Variants in PRRC2A observed in about 807,000 individuals in gnomAD.
PRRC2A encodes the protein protein PRRC2A.
Under a neutral mutation model 224.6 loss-of-function variants are expected in PRRC2A, and 59 were observed. That is an observed-to-expected ratio of 0.26 (90% CI 0.21 to 0.33). The LOEUF (loss-of-function observed/expected upper bound fraction) is 0.33, where lower values mean the gene tolerates loss of function less well. Among genes scored for constraint, PRRC2A ranks in the 10% least tolerant of loss-of-function variants. The probability of loss-of-function intolerance (pLI) is 1.00; values close to 1 mark genes in which losing one functional copy is unlikely to be tolerated. For missense variants in PRRC2A, 3,095 were observed against 2,880.7 expected, an observed-to-expected ratio of 1.07 and a Z score of -1.70; for synonymous variants, 1,194 against 1,109.5, an observed-to-expected ratio of 1.08 and a Z score of -1.51.
Position 31,625,279 on chromosome 6 carries a change from AGTC to A in PRRC2A, c.576_578del (p.Ser193del). The A allele has an allele frequency of 6.2e-7, 1 of 1,613,426 alleles. No individual in the cohort carries two copies. The highest frequency in any genetic ancestry group is 8.5e-7 in the Non-Finnish European group (1 of 1,180,032). ...GCCAAGGAAAGGGAGTCTGCCGAAC[AGTC>A]GTCTGGGCCCGGACCAAGCCTCCGC... is the stretch of plus-strand genomic sequence containing the variant. On this transcript the variant is annotated inframe_deletion, in exon 6 of 31. Transcript: ENST00000376033. The surrounding 1 kb of genome is among the most constrained non-coding windows in gnomAD (Gnocchi z 4.1).
chr6:31,631,627 A>G lies in PRRC2A; in HGVS notation c.2954A>G (p.Lys985Arg), dbSNP rs2150519662. ...TPKPPKPDPLKITKGKLGGPK... is the reference protein window; with the variant it reads ...TPKPPKPDPLRITKGKLGGPK... The stretch of plus-strand genomic sequence containing the variant: ...AAACCCCCAAAGCCAGACCCACTCA[A>G]GATAACCAAGGGGAAGCTAGGGGGC... The change falls in exon 16 of 31, where the codon AAG becomes AGG. Residue 985 changes from lysine (K) to arginine (R), a missense_variant. Physicochemically the swap from Lys to Arg is conservative, Grantham distance 26. Around this residue, in one of 8 missense-constraint regions of PRRC2A, gnomAD observed 2,001 missense variants for 1,764.9 expected, o/e 1.13. Transcript: ENST00000376033. This position sits in a 1 kb window ranked among gnomAD's most constrained non-coding sequence, Gnocchi z 4.5. 2.6e-6 allele frequency: 4 copies of G among 1,523,020 alleles called. No individual in the cohort carries two copies. The highest frequency in any genetic ancestry group is 2.6e-5 in the South Asian group (2 of 76,148). The allele number at this position is 1,523,020 out of a possible 1,614,324, so 94.3% of individuals were successfully genotyped here.
rs1234076912 is a variant in PRRC2A, at chr6:31,627,149, C to A, written c.1241C>A (p.Pro414Gln). Residue 414 changes from proline (P) to glutamine (Q), a missense_variant, in exon 11 of 31, where the codon CCA (proline) becomes CAA (glutamine). This residue lies in a region of PRRC2A where 2,001 missense variants were observed against 1,764.9 expected (regional missense o/e 1.13). Coordinates refer to ENST00000376033, the MANE Select transcript of PRRC2A (RefSeq NM_004638.4). The surrounding 1 kb of genome is among the most constrained non-coding windows in gnomAD (Gnocchi z 5.6). ...GPPAPKPPLP[P>Q]PHRGPAGNWG... ...CCTGCCCCAAAGCCTCCCCTACCCCCACCTCACCGGGGCCCCGCCGGGAAC... is the reference window on the plus strand; with the variant it reads ...CCTGCCCCAAAGCCTCCCCTACCCCAACCTCACCGGGGCCCCGCCGGGAAC... The A allele has an allele frequency of 1.2e-6, 2 of 1,613,532 alleles. No homozygotes were observed. The highest frequency in any genetic ancestry group is 1.7e-5 in the Admixed American group (1 of 60,024).
Position 31,622,795 on chromosome 6 carries a change from C to T in PRRC2A, c.6C>T (p.Ser2=). 1.2e-6 allele frequency: 2 copies of T among 1,612,508 alleles called. No individual in the cohort carries two copies. The highest frequency in any genetic ancestry group is 1.7e-6 in the Non-Finnish European group (2 of 1,179,566). ...CTCAATGAGCTTCCAGCGCAATGTC[C>T]GATCGCTCGGGGCCGACTGCCAAGG... M[S]DRSGPTAKGK... Residue 2 remains serine (S), a synonymous_variant, in exon 2 of 31, where the codon TCC becomes TCT. Coordinates refer to ENST00000376033, the MANE Select transcript of PRRC2A (RefSeq NM_004638.4).
rs1374900918 is a variant in PRRC2A at position 31,631,063 on chromosome 6, A to G, written c.2466-76A>G. 3 of 1,369,320 alleles carry G rather than the reference A, an allele frequency of 2.2e-6. No homozygotes were observed. The highest frequency in any genetic ancestry group is 2.8e-5 in the South Asian group (2 of 71,126). The allele number at this position is 1,369,320 out of a possible 1,614,324, so 84.8% of individuals were successfully genotyped here. On this transcript the variant is annotated intron_variant, in intron 15 of 30. Coordinates refer to ENST00000376033, the MANE Select transcript of PRRC2A (RefSeq NM_004638.4). The surrounding 1 kb of genome is among the most constrained non-coding windows in gnomAD (Gnocchi z 4.5). ...AATAGTAAAAGAGAGTCTGCATCAT[A>G]ATAAAGTGTTCTTTTCCCACCTAGT... is the stretch of plus-strand genomic sequence containing the variant.
Position 31,631,706 on chromosome 6 carries a change from G to A in PRRC2A, c.3033G>A (p.Arg1011=). Residue 1011 remains arginine, a synonymous_variant, in exon 16 of 31, where the codon AGG becomes AGA. Coordinates refer to ENST00000376033, the MANE Select transcript of PRRC2A (RefSeq NM_004638.4). The surrounding 1 kb of genome is among the most constrained non-coding windows in gnomAD (Gnocchi z 4.5). ...GNLSPAPRLR[R]DYSYERVGPT... is the part of the protein sequence containing the mutation. ...TTTCCCCTGCCCCAAGGCTTCGGAG[G>A]GACTATTCGTATGAAAGAGTGGGTC... The A allele has an allele frequency of 1.3e-6, 2 of 1,517,448 alleles. No homozygotes were observed. Among genetic ancestry groups the A allele is most frequent in the Non-Finnish European group, 1.8e-6 (2 of 1,134,118 alleles). The allele number at this position is 1,517,448 out of a possible 1,614,324, so 94.0% of individuals were successfully genotyped here.
rs768172753 is a variant in PRRC2A at position 31,636,920 on chromosome 6, T to C, written c.6122T>C (p.Phe2041Ser). ...TRVLPSPARPFPASLGRAELH... is the reference protein window; with the variant it reads ...TRVLPSPARPSPASLGRAELH... ...GTGCTGCCTTCACCTGCCAGGCCCT[T>C]CCCCGCTAGCTTGGGGCGAGCAGAG... Residue 2041 changes from phenylalanine (F) to serine (S), a missense_variant, in exon 28 of 31, where the codon TTC (phenylalanine) becomes TCC (serine). Around this residue, in one of 8 missense-constraint regions of PRRC2A, gnomAD observed 662 missense variants for 609.5 expected, o/e 1.09. Transcript: ENST00000376033. The surrounding 1 kb of genome is among the most constrained non-coding windows in gnomAD (Gnocchi z 4.3). 23 of 1,612,902 alleles carry C rather than the reference T, an allele frequency of 1.4e-5. No individual in the cohort carries two copies. Among genetic ancestry groups the C allele is most frequent in the Non-Finnish European group, 1.9e-5 (23 of 1,179,970 alleles).
chr6:31,634,631 G>T (rs2844493), intron 20 of PRRC2A, 74 bp downstream of exon 20: 2 of 1,585,762 alleles, frequency 1.3e-6, no homozygotes, highest in East Asian at 2.2e-5. Flanking sequence ...CCTGCTCTGG[G>T]TTGAGTCTGG....
chr6:31,628,385 G>A (rs1326560363), intron 12 of PRRC2A, 146 bp downstream of exon 12: 1 of 1,349,158 alleles, frequency 7.4e-7, no homozygotes. Flanking sequence ...TCTATCATTT[G>A]TATATCTGAA....
At chr6:31,635,035 C>T (rs776205112) in intron 21 of PRRC2A, 58 bp downstream of exon 21, 147 of 1,597,518 alleles carry the variant, frequency 9.2e-5, no homozygotes, top group Non-Finnish European at 1.2e-4. Flanking sequence ...TTGGCCCTAC[C>T]TTTTTCTGCT....
At position 31,634,063 on chromosome 6, in the gene PRRC2A, G is replaced by GT. The variant is rs1777025351; in HGVS notation, c.4719+78dup. On this transcript the variant is annotated intron_variant, in intron 18 of 30. Coordinates refer to ENST00000376033, the MANE Select transcript of PRRC2A (RefSeq NM_004638.4). Reference sequence around the variant, plus strand: ...AATTCTTCTGGGTTATGTTTTCTCTGTTTTCTTTCCTGTTTCTTTCACTGT... The same window carrying GT: ...AATTCTTCTGGGTTATGTTTTCTCTGTTTTTCTTTCCTGTTTCTTTCACTGT... 1.8e-5 allele frequency: 28 copies of GT among 1,581,442 alleles called. No homozygotes were observed. In the South Asian group the frequency reaches 3.2e-4, roughly 18 times the overall value.
chr6:31,635,608 G>A lies in PRRC2A; in HGVS notation c.5400G>A (p.Glu1800=), dbSNP rs761443644. Residue 1800 remains glutamate (E), a synonymous_variant, in exon 24 of 31, where the codon GAG becomes GAA. Transcript: ENST00000376033. ...CCATTCCTGTATCACGAGACTGGGA[G>A]CTGCTTCCCAGTGCTGCTGCCTCTG... The part of the protein sequence containing the change: ...TEAIPVSRDW[E]LLPSAAASAE... 28 of 1,611,598 alleles carry A rather than the reference G, an allele frequency of 1.7e-5. No individual in the cohort carries two copies. In the South Asian group the frequency reaches 3.0e-4, roughly 17 times the overall value.
intron 14 of PRRC2A, 126 bp from the exon 15 acceptor site, chr6:31,630,465 G>A: frequency 2.3e-6 from 2 of 859,734 alleles, no homozygotes; most frequent in South Asian, 1.7e-5. Context: ...ATAAGAGCAG[G>A]CAAGGCCCGG....
In PRRC2A at chr6:31,636,266, G is replaced by T; in HGVS notation, c.5682G>T (p.Gly1894=). 1 of 1,612,810 alleles carries T rather than the reference G, an allele frequency of 6.2e-7. No homozygotes were observed. Among genetic ancestry groups the T allele is most frequent in the Non-Finnish European group, 8.5e-7 (1 of 1,179,940 alleles). Residue 1894 remains glycine, a synonymous_variant, in exon 26 of 31, where the codon GGG becomes GGT. Transcript: ENST00000376033. This position sits in a 1 kb window ranked among gnomAD's most constrained non-coding sequence, Gnocchi z 4.3. ...CCCCTCCCTCAGCACTGCTCTCTGG[G>T]TTAGCTCTCAAGGGCCAGTTTCTGG... ...GPAPPSALLS[G]LALKGQFLDF...
In PRRC2A at chr6:31,623,838, C is replaced by A; in HGVS notation, c.219C>A (p.Asp73Glu). The A allele has an allele frequency of 2.5e-6, 4 of 1,614,192 alleles. No individual in the cohort carries two copies. The highest frequency in any genetic ancestry group is 3.4e-6 in the Non-Finnish European group (4 of 1,180,034). The change falls in exon 3 of 31, where the codon GAC (aspartate) becomes GAA (glutamate). Residue 73 changes from aspartate (D) to glutamate (E), a missense_variant. Asp to Glu is a conservative substitution (Grantham distance 45). Around this residue, in one of 8 missense-constraint regions of PRRC2A, gnomAD observed 52 missense variants for 77.9 expected, o/e 0.67. Transcript: ENST00000376033. ...PSLKAENKGN[D>E]PNVSLVPKDG... is the part of the protein sequence containing the mutation. ...TGAAAGCCGAGAACAAAGGCAATGA[C>A]CCCAATGTCTCACTAGTGCCAAAAG... is the stretch of plus-strand genomic sequence containing the variant.
chr6:31,636,161 T>TA lies in PRRC2A; in HGVS notation c.5625-47dup. ...GAAGCTAGTGGACTTAAGGCATTGC[T>TA]AGGACTCTGGCTTCCTAACAGCTTT... On this transcript the variant is annotated intron_variant, in intron 25 of 30. Coordinates refer to ENST00000376033, the MANE Select transcript of PRRC2A (RefSeq NM_004638.4). The surrounding 1 kb of genome is among the most constrained non-coding windows in gnomAD (Gnocchi z 4.3). The TA allele has an allele frequency of 6.3e-7, 1 of 1,583,190 alleles. No homozygotes were observed. Among genetic ancestry groups the TA allele is most frequent in the Non-Finnish European group, 8.7e-7 (1 of 1,152,122 alleles).
At position 31,625,410 on chromosome 6, in the gene PRRC2A, C is replaced by T. The variant is rs1301932485; in HGVS notation, c.608-50C>T. ...CCTCCCCATCACTTTCAGCTGTGTT[C>T]ACTTGTCCTCCAATCATTGATACCT... On this transcript the variant is annotated intron_variant, in intron 6 of 30. Transcript: ENST00000376033. This position sits in a 1 kb window ranked among gnomAD's most constrained non-coding sequence, Gnocchi z 4.1. 1 of 1,610,014 alleles carries T rather than the reference C, an allele frequency of 6.2e-7. No individual in the cohort carries two copies. Among genetic ancestry groups the T allele is most frequent in the Non-Finnish European group, 8.5e-7 (1 of 1,176,294 alleles).
chr6:31,624,054 C>G, intron 3 of PRRC2A, 145 bp downstream of exon 3: 1 of 1,155,914 alleles, frequency 8.7e-7, no homozygotes, highest in South Asian at 1.6e-5. Context: ...TGTTAAATGA[C>G]TAAGGAATGG....
At position 31,636,892 on chromosome 6, in the gene PRRC2A, C is replaced by T. The variant is rs752976327; in HGVS notation, c.6094C>T (p.Arg2032Trp). ...AVRPPPAPAT[R>W]VLPSPARPFP... ...GCGGCCCCCACCTGCTCCTGCTACT[C>T]GGGTGCTGCCTTCACCTGCCAGGCC... The change falls in exon 28 of 31, where the codon CGG becomes TGG. Residue 2032 changes from arginine to tryptophan, a missense_variant. By Grantham distance (101) the Arg-to-Trp change is moderately radical (BLOSUM62 -3). Coordinates refer to ENST00000376033, the MANE Select transcript of PRRC2A (RefSeq NM_004638.4). This position sits in a 1 kb window ranked among gnomAD's most constrained non-coding sequence, Gnocchi z 4.3. 9.3e-6 allele frequency: 15 copies of T among 1,612,882 alleles called. No homozygotes were observed. The highest frequency in any genetic ancestry group is 1.3e-5 in the Non-Finnish European group (15 of 1,179,986).
rs993775119 is a variant in PRRC2A, at chr6:31,631,267, C to T, written c.2594C>T (p.Pro865Leu). The part of the protein sequence containing the change: ...PLEEPGPRPL[P>L]WPPGSDEVAK... ...GAGGAACCAGGGCCCCGTCCACTCC[C>T]CTGGCCCCCAGGCAGTGATGAAGTG... is the stretch of plus-strand genomic sequence containing the variant. The change falls in exon 16 of 31, where the codon CCC (proline) becomes CTC (leucine). Residue 865 changes from proline to leucine, a missense_variant. Pro to Leu is a moderately conservative substitution (Grantham distance 98). This residue lies in a region of PRRC2A where 2,001 missense variants were observed against 1,764.9 expected (regional missense o/e 1.13). Transcript: ENST00000376033. The surrounding 1 kb of genome is among the most constrained non-coding windows in gnomAD (Gnocchi z 4.5). 2.5e-6 allele frequency: 4 copies of T among 1,612,416 alleles called. No homozygotes were observed. In the African/African-American group the frequency reaches 4.0e-5, roughly 16 times the overall value.
Sources: gnomAD v4.1 joint callset for allele counts on GRCh38, gnomAD v4.1.1 for gene constraint, gnomAD v4.1.1 regional missense constraint, Gnocchi (gnomAD v3.1) non-coding constraint, MANE v1.5 for transcripts, NCBI Gene and HGNC (gene_info 2026-07-23, HGNC 2026-07-21) for gene names.